The following OLA1 variants were observed in gnomAD, a reference collection of about 807,000 sequenced individuals.
OLA1 encodes obg-like ATPase 1.
OLA1 carries 14 observed loss-of-function variants against 48.4 expected under a neutral mutation model. That is an observed-to-expected ratio of 0.29 (90% CI 0.19 to 0.45). The LOEUF is 0.45. Among genes scored for constraint, OLA1 ranks in the 20% least tolerant of loss-of-function variants. The pLI is 1.00. For synonymous variants in OLA1, 127 were observed against 150.4 expected, an observed-to-expected ratio of 0.84 and a Z score of 1.14; for missense variants, 325 against 467.1, an observed-to-expected ratio of 0.70 and a Z score of 2.80.
intron 10 of OLA1, among the ~76,000 whole-genome samples, chr2:174,076,249 T>C (rs772053012): frequency 4.6e-5 from 7 of 152,138 alleles, no homozygotes; most frequent in South Asian, 2.1e-4. Flanking sequence ...GTAATTTTAA[T>C]AGAAGCAAGC....
At chr2:174,244,166 G>A (rs556141438) in intron 2 of OLA1, among the ~76,000 whole-genome samples, 2 of 152,116 alleles carry the variant, frequency 1.3e-5, no homozygotes, top group African/African-American at 4.8e-5. Context: ...TTTTCCTGCT[G>A]AAAACAGCCA....
chr2:174,161,713 C>T (rs1317131401), intron 4 of OLA1, among the ~76,000 whole-genome samples: 1 of 135,244 alleles, frequency 7.4e-6, no homozygotes, highest in Non-Finnish European at 1.6e-5. Context: ...CACACACACA[C>T]ACATAGATAG....
At chr2:174,207,884 T>C (rs1180340605) in intron 4 of OLA1, among the ~76,000 whole-genome samples, 2 of 152,154 alleles carry the variant, frequency 1.3e-5, no homozygotes, top group African/African-American at 4.8e-5. Context: ...ACTGCACAGA[T>C]TCACTTAAAC....
At chr2:174,194,384 C>G (rs979837710) in intron 4 of OLA1, among the ~76,000 whole-genome samples, 1 of 152,104 alleles carries the variant, frequency 6.6e-6, no homozygotes, top group Non-Finnish European at 1.5e-5. Flanking sequence ...ACTGGTGTCC[C>G]GTTGTGTCTA....
At chr2:174,082,187 G>A in intron 7 of OLA1, 123 bp from the exon 8 acceptor site, 1 of 1,036,670 alleles carries the variant, frequency 9.6e-7, no homozygotes, top group Non-Finnish European at 1.4e-6. Context: ...CCATCTTTTT[G>A]TATATAGCTT....
intron 4 of OLA1, among the ~76,000 whole-genome samples, chr2:174,199,507 G>A (rs1280537746): frequency 2.6e-5 from 4 of 152,162 alleles, no homozygotes; most frequent in African/African-American, 9.6e-5. Context: ...TTTTGAAAAT[G>A]TGCATTTGCC....
intron 4 of OLA1, among the ~76,000 whole-genome samples, chr2:174,164,737 T>C (rs950530674): frequency 5.3e-5 from 8 of 152,232 alleles, no homozygotes; most frequent in Admixed American, 5.2e-4. Context: ...CATTTATCTA[T>C]ACTCTCTTCT....
chr2:174,129,126 T>C (rs1303211284), intron 5 of OLA1, among the ~76,000 whole-genome samples: 1 of 152,128 alleles, frequency 6.6e-6, no homozygotes, highest in African/African-American at 2.4e-5. Context: ...GTAAAACAAC[T>C]GGCAAGTTCT....
chr2:174,153,869 A>G (rs1053184380), intron 4 of OLA1, among the ~76,000 whole-genome samples: 4 of 152,072 alleles, frequency 2.6e-5, no homozygotes, highest in African/African-American at 7.2e-5. Flanking sequence ...AACCAATGTT[A>G]TTTTGTTTTT....
intron 2 of OLA1, among the ~76,000 whole-genome samples, chr2:174,229,958 T>C (rs1688692756): frequency 6.6e-6 from 1 of 152,188 alleles, no homozygotes; most frequent in African/African-American, 2.4e-5. Flanking sequence ...ATCATTAGTA[T>C]GTAAGGATTA....
chr2:174,122,388 T>C (rs1484529275), intron 7 of OLA1, among the ~76,000 whole-genome samples: 1 of 152,188 alleles, frequency 6.6e-6, no homozygotes, highest in Admixed American at 6.5e-5. Context: ...TAATGGAAAA[T>C]TGAAACCATG....
intron 7 of OLA1, among the ~76,000 whole-genome samples, chr2:174,109,880 G>A (rs1293870411): frequency 6.6e-6 from 1 of 152,050 alleles, no homozygotes. Context: ...ACACATCACA[G>A]GCTTTTTTTG....
At chr2:174,204,797 A>T (rs1688072699) in intron 4 of OLA1, among the ~76,000 whole-genome samples, 1 of 152,246 alleles carries the variant, frequency 6.6e-6, no homozygotes, top group African/African-American at 2.4e-5. Flanking sequence ...AGTTTTGCTA[A>T]AAATCTTGAT....
intron 4 of OLA1, among the ~76,000 whole-genome samples, chr2:174,146,283 G>A (rs534986520): frequency 6.6e-5 from 10 of 152,272 alleles, no homozygotes; most frequent in South Asian, 2.1e-4. Context: ...AGGGAAGGCA[G>A]GGTGATAAGA....
chr2:174,215,459 A>G (rs1034559761), intron 4 of OLA1, among the ~76,000 whole-genome samples: 1 of 152,212 alleles, frequency 6.6e-6, no homozygotes, highest in African/African-American at 2.4e-5. Context: ...TCACTTACAC[A>G]CAGACTTTTT....
chr2:174,083,380 T>A (rs1684900278), intron 7 of OLA1, among the ~76,000 whole-genome samples: 1 of 152,058 alleles, frequency 6.6e-6, no homozygotes, highest in African/African-American at 2.4e-5. Context: ...GAGAAAGGAA[T>A]GAAAAACAAT....
rs151110191 is a variant in OLA1 at position 174,123,617 on chromosome 2, T to C, written c.608A>G (p.Tyr203Cys). The C allele has an allele frequency of 1.0e-5, 16 of 1,596,374 alleles. No homozygotes were observed. Among genetic ancestry groups the C allele is most frequent in the African/African-American group, 4.0e-5 (3 of 74,236 alleles). ...VIDQKKPVRF[Y>C]HDWNDKEIEV... ...TACCTCTTTGTCATTCCAATCATGA[T>C]AGAAGCGAACAGGTTTCTTTTGATC... The change falls in exon 6 of 11, where the codon TAT becomes TGT. Residue 203 changes from tyrosine to cysteine, a missense_variant. By Grantham distance (194) the Tyr-to-Cys change is radical. Coordinates refer to ENST00000284719, the MANE Select transcript of OLA1 (RefSeq NM_013341.5).
intron 7 of OLA1, among the ~76,000 whole-genome samples, chr2:174,099,263 C>T (rs987993777): frequency 6.6e-6 from 1 of 151,882 alleles, no homozygotes; most frequent in Non-Finnish European, 1.5e-5. Flanking sequence ...TCAAGCGATT[C>T]CCCTGCCTCA....
At chr2:174,144,947 AAAAAATATATATAT>A (rs1467616001) in intron 4 of OLA1, among the ~76,000 whole-genome samples, 2 of 64,816 alleles carry the variant, frequency 3.1e-5, no homozygotes, top group African/African-American at 4.9e-5. Flanking sequence ...AAAAAAAAAA[AAAAAATATATATAT>A]ATATATATAT....
Sources: allele counts gnomAD v4.1 joint callset (sites outside exome capture counted in the v4.1 genomes callset), GRCh38; gene constraint gnomAD v4.1.1; transcripts MANE v1.5; gene names NCBI Gene and HGNC (gene_info 2026-07-23, HGNC 2026-07-21).